PLCZ1: variants seen among roughly 807,000 people sequenced by gnomAD.
PLCZ1 encodes 1-phosphatidylinositol 4,5-bisphosphate phosphodiesterase zeta-1.
PLCZ1 carries 64 observed loss-of-function variants against 76.8 expected under a neutral mutation model. The ratio of observed to expected loss-of-function variants is 0.83; its 90% CI spans 0.68 to 1.03. The LOEUF is 1.03. Among genes scored for constraint, PLCZ1 ranks in the 50% least tolerant of loss-of-function variants. PLCZ1 has a pLI of 0.00. For synonymous variants in PLCZ1, 248 were observed against 230.8 expected (o/e 1.07, Z -0.68); for missense variants, 751 against 713.7 (o/e 1.05, Z -0.60).
At chr12:18,688,274 T>C in intron 12 of PLCZ1, 56 bp from the exon 13 acceptor site, 1 of 1,529,804 alleles carries the variant, frequency 6.5e-7, no homozygotes, top group Non-Finnish European at 8.8e-7. Context: ...TACATCACCA[T>C]TTATTTCAAA....
intron 6 of PLCZ1, among the ~76,000 whole-genome samples, chr12:18,709,378 T>C (rs1957023045): frequency 6.6e-6 from 1 of 152,126 alleles, no homozygotes; most frequent in Admixed American, 6.6e-5. Flanking sequence ...GGTCTATATG[T>C]CTGTTTTTCT....
chr12:18,717,927 G>C (rs2137501118), intron 5 of PLCZ1, among the ~76,000 whole-genome samples: 1 of 152,240 alleles, frequency 6.6e-6, no homozygotes, highest in South Asian at 2.1e-4. Flanking sequence ...CTAGCAATAT[G>C]CTGTATGAGA....
At chr12:18,649,475 A>G in the PLCZ1 span, among the ~76,000 whole-genome samples, 3 of 152,128 alleles carry the variant, frequency 2.0e-5, no homozygotes, top group Admixed American at 2.0e-4. Context: ...GACACCATGC[A>G]ACCATGATGT....
chr12:18,687,748 G>T (rs560031014), intron 13 of PLCZ1, among the ~76,000 whole-genome samples: 1 of 152,020 alleles, frequency 6.6e-6, no homozygotes, highest in African/African-American at 2.4e-5. Flanking sequence ...ACAAATTTTT[G>T]ATTTAATACA....
At chr12:18,720,603 T>A (rs932754023) in intron 4 of PLCZ1, among the ~76,000 whole-genome samples, 1 of 151,938 alleles carries the variant, frequency 6.6e-6, no homozygotes, top group Admixed American at 6.6e-5. Flanking sequence ...CCCTTATATA[T>A]TCACTCTAAA....
chr12:18,691,213 C>G (rs1267631419), intron 12 of PLCZ1, among the ~76,000 whole-genome samples: 1 of 152,062 alleles, frequency 6.6e-6, no homozygotes, highest in Non-Finnish European at 1.5e-5. Context: ...GAATGGTTCC[C>G]AATTTTCTAG....
chr12:18,693,138 G>C, intron 12 of PLCZ1: 2 of 1,515,160 alleles, frequency 1.3e-6, no homozygotes, highest in South Asian at 1.1e-5. Context: ...TGACAATCAT[G>C]CCATCGTGTC....
the PLCZ1 span, among the ~76,000 whole-genome samples, chr12:18,675,696 A>G: frequency 0.01 from 1,555 of 152,310 alleles, 35 homozygotes; most frequent in African/African-American, 0.035. Flanking sequence ...ATAGCCAGGA[A>G]AAAGAATAAA....
chr12:18,669,551 C>G, the PLCZ1 span, among the ~76,000 whole-genome samples: 2 of 152,156 alleles, frequency 1.3e-5, no homozygotes, highest in Non-Finnish European at 1.5e-5. Context: ...CTGGAAAGTC[C>G]AATCCAGCAG....
At chr12:18,684,405 A>G (rs1354423298) in intron 13 of PLCZ1, 126 bp from the exon 14 acceptor site, 10 of 856,244 alleles carry the variant, frequency 1.2e-5, no homozygotes, top group Non-Finnish European at 1.8e-5. Context: ...TTTAGAGCAC[A>G]TAGGTTTTTA....
At chr12:18,726,728 C>T (rs1958772501) in intron 3 of PLCZ1, among the ~76,000 whole-genome samples, 2 of 152,094 alleles carry the variant, frequency 1.3e-5, no homozygotes, top group Non-Finnish European at 1.5e-5. Context: ...TTTATCAAAA[C>T]AGAATTTACT....
chr12:18,696,322 CTATATATATATATATATATA>C (rs71440372), intron 10 of PLCZ1, 56 bp from the exon 11 acceptor site: 1 of 263,570 alleles, frequency 3.8e-6, no homozygotes, highest in Admixed American at 5.5e-5. Context: ...TAAAAAGCCA[CTATATATATATATATATATA>C]TATATATATC....
At chr12:18,734,378 T>G (rs1959177431) in intron 3 of PLCZ1, among the ~76,000 whole-genome samples, 1 of 152,150 alleles carries the variant, frequency 6.6e-6, no homozygotes, top group African/African-American at 2.4e-5. Context: ...TTTTGAGGAC[T>G]CTCGCTCTGT....
intron 3 of PLCZ1, among the ~76,000 whole-genome samples, chr12:18,726,440 C>T (rs555438999): frequency 7.0e-4 from 106 of 152,222 alleles, no homozygotes; most frequent in African/African-American, 2.5e-3. Flanking sequence ...GCTTCAAGAC[C>T]GTGAACATCA....
At chr12:18,736,059 C>T (rs1412035525) in intron 3 of PLCZ1, 162 bp downstream of exon 3, 10 of 746,292 alleles carry the variant, frequency 1.3e-5, no homozygotes, top group Non-Finnish European at 1.8e-5. Context: ...TTCTCAACAA[C>T]TAATTTTACC....
the PLCZ1 span, chr12:18,647,901 T>C: frequency 6.3e-7 from 1 of 1,585,270 alleles, no homozygotes; most frequent in Non-Finnish European, 8.6e-7. Context: ...GTCACAGAGC[T>C]CCAAGGACAT....
intron 13 of PLCZ1, 125 bp downstream of exon 13, chr12:18,687,964 G>C (rs1051478594): frequency 2.4e-6 from 3 of 1,272,948 alleles, no homozygotes; most frequent in Admixed American, 2.2e-5. Flanking sequence ...TGCTAATTTT[G>C]GACATAATGG....
At chr12:18,683,745 G>T in intron 14 of PLCZ1, 1 of 711,412 alleles carries the variant, frequency 1.4e-6, no homozygotes, top group Non-Finnish European at 2.2e-6. Context: ...GGTCAGGAAA[G>T]GATAGTCTCA....
chr12:18,662,126 AG>A, the PLCZ1 span, among the ~76,000 whole-genome samples: 2 of 152,090 alleles, frequency 1.3e-5, no homozygotes, highest in African/African-American at 4.8e-5. Flanking sequence ...GACTACTTGA[AG>A]ATGGAAAGTG....
Sources: allele counts gnomAD v4.1 joint callset (sites outside exome capture counted in the v4.1 genomes callset), GRCh38; gene constraint gnomAD v4.1.1; transcripts MANE v1.5; gene names NCBI Gene and HGNC (gene_info 2026-07-23, HGNC 2026-07-21).